SOX5: variants seen among roughly 807,000 people sequenced by gnomAD.
The protein encoded by SOX5 is SRY-box transcription factor 5, also known as transcription factor SOX-5.
A neutral mutation model predicts 92.0 loss-of-function variants in SOX5; 9 were observed. That is an observed-to-expected ratio of 0.10 (90% CI 0.06 to 0.17). The LOEUF is 0.17. SOX5 is among the 10% of genes least tolerant of loss of function. The probability of loss-of-function intolerance (pLI) is 1.00; values close to 1 mark genes in which losing one functional copy is unlikely to be tolerated. For missense variants in SOX5, 642 were observed against 944.5 expected (o/e 0.68, Z 4.20); for synonymous variants, 344 against 336.3 (o/e 1.02, Z -0.25).
intron 1 of SOX5, among the ~76,000 whole-genome samples, chr12:23,943,348 T>C (rs1393754762): frequency 2.6e-5 from 4 of 152,004 alleles, no homozygotes; most frequent in East Asian, 1.9e-4. Flanking sequence ...ACACTCCACA[T>C]TTCATTTAAG....
intron 1 of SOX5, among the ~76,000 whole-genome samples, chr12:24,452,004 T>A (rs1464239689): frequency 6.6e-6 from 1 of 152,212 alleles, no homozygotes; most frequent in Non-Finnish European, 1.5e-5. Context: ...GCACACTGAA[T>A]GTTTTGGGCA....
chr12:24,299,890 C>T (rs1947755499), intron 2 of SOX5, among the ~76,000 whole-genome samples: 1 of 152,128 alleles, frequency 6.6e-6, no homozygotes, highest in Admixed American at 6.5e-5. Flanking sequence ...ACCATGCTCT[C>T]TGTGTGATAT....
At chr12:23,745,464 T>C (rs143324693) in intron 4 of SOX5, among the ~76,000 whole-genome samples, 10 of 152,254 alleles carry the variant, frequency 6.6e-5, no homozygotes, top group East Asian at 1.9e-4. Flanking sequence ...TTGCTCCCCA[T>C]TGGCTTCAGA....
rs60575337 is a variant in SOX5 at position 23,726,118 on chromosome 12, C to CGA, written c.810+8564_810+8565dup. Among the ~76,000 whole-genome samples the CGA allele has an allele frequency of 2.9e-3, 359 of 123,576 alleles. 7 individuals carry two copies. Among genetic ancestry groups the CGA allele is most frequent in the East Asian group, 1.0e-2 (44 of 4,406 alleles). 81.1% of individuals were successfully genotyped at this position (123,576 alleles called of 152,430 possible). A position where few individuals can be genotyped will look rare whatever the true frequency, so the allele number is the denominator to read the frequency against. On this transcript the variant is annotated intron_variant, in intron 6 of 14. Transcript: ENST00000451604. ...TAATGGTGTTAAATACATACATCCC[C>CGA]GAGAGAGAGAGAGAGAGAGAGAGAG...
At chr12:24,085,091 T>C (rs202040713) in intron 4 of SOX5, among the ~76,000 whole-genome samples, 3 of 95,108 alleles carry the variant, frequency 3.2e-5, no homozygotes, top group Non-Finnish European at 6.6e-5. Context: ...GTTCTTAGCA[T>C]GGCTGACGTA....
chr12:24,561,997 T>C (rs1159827708), intron 1 of SOX5, among the ~76,000 whole-genome samples: 1 of 152,186 alleles, frequency 6.6e-6, no homozygotes, highest in South Asian at 2.1e-4. Flanking sequence ...GTACGCAGGC[T>C]TCCCAACAAA....
chr12:23,867,679 G>A (rs1188776225), intron 2 of SOX5, among the ~76,000 whole-genome samples: 1 of 151,994 alleles, frequency 6.6e-6, no homozygotes, highest in Non-Finnish European at 1.5e-5. Context: ...ACACTGAAAT[G>A]AATTAAGTGG....
intron 1 of SOX5, among the ~76,000 whole-genome samples, chr12:24,379,133 C>T (rs1454914891): frequency 6.6e-6 from 1 of 152,200 alleles, no homozygotes; most frequent in Non-Finnish European, 1.5e-5. Flanking sequence ...CCCTCTCTTA[C>T]TAGGAGACAG....
intron 4 of SOX5, among the ~76,000 whole-genome samples, chr12:24,016,255 T>C (rs1005999646): frequency 1.3e-5 from 2 of 151,856 alleles, no homozygotes; most frequent in Non-Finnish European, 2.9e-5. Flanking sequence ...TAAAACAGAA[T>C]CCAATGCCAT....
chr12:24,119,959 G>A (rs1489603697), intron 4 of SOX5, among the ~76,000 whole-genome samples: 1 of 152,154 alleles, frequency 6.6e-6, no homozygotes, highest in Non-Finnish European at 1.5e-5. Context: ...TGCACTCATT[G>A]CGATGGTTGT....
chr12:24,364,541 T>C (rs558547851), intron 2 of SOX5, among the ~76,000 whole-genome samples: 16 of 140,398 alleles, frequency 1.1e-4, no homozygotes, highest in South Asian at 2.3e-4. Flanking sequence ...TATATATATA[T>C]ATACACGAAT....
chr12:24,373,732 G>T (rs1488957222), intron 1 of SOX5, among the ~76,000 whole-genome samples: 2 of 152,072 alleles, frequency 1.3e-5, no homozygotes, highest in East Asian at 3.9e-4. Context: ...CATGACTAAA[G>T]GAATATTGAA....
intron 1 of SOX5, among the ~76,000 whole-genome samples, chr12:23,938,432 T>C (rs533403639): frequency 1.3e-5 from 2 of 151,174 alleles, no homozygotes; most frequent in Admixed American, 6.6e-5. Context: ...TAATGTTTTC[T>C]AGTTTTCAAA....
At chr12:24,398,984 T>G (rs1960796343) in intron 1 of SOX5, among the ~76,000 whole-genome samples, 4 of 152,042 alleles carry the variant, frequency 2.6e-5, no homozygotes, top group Admixed American at 2.0e-4. Context: ...ATGGAAGTGT[T>G]TACAAACAAC....
At chr12:23,718,644 A>G (rs964719592) in intron 6 of SOX5, among the ~76,000 whole-genome samples, 2 of 152,046 alleles carry the variant, frequency 1.3e-5, no homozygotes, top group African/African-American at 4.8e-5. Flanking sequence ...TTCACTGTTT[A>G]TTATCCTGCA....
At chr12:24,455,741 T>C (rs186299121) in intron 1 of SOX5, among the ~76,000 whole-genome samples, 10 of 152,308 alleles carry the variant, frequency 6.6e-5, no homozygotes, top group Admixed American at 2.0e-4. Context: ...ACTCACTCAG[T>C]AGAGGCTTGT....
intron 2 of SOX5, among the ~76,000 whole-genome samples, chr12:24,303,808 G>A (rs998734582): frequency 1.3e-5 from 2 of 152,184 alleles, no homozygotes; most frequent in African/African-American, 4.8e-5. Flanking sequence ...GCCAGGAGGT[G>A]AGGATCAAAG....
intron 4 of SOX5, among the ~76,000 whole-genome samples, chr12:24,148,772 C>T (rs2138792318): frequency 6.6e-6 from 1 of 151,052 alleles, no homozygotes; most frequent in South Asian, 2.1e-4. Flanking sequence ...TACATATAGT[C>T]CCAGCTACTT....
At chr12:23,729,528 G>C (rs1445740014) in intron 6 of SOX5, among the ~76,000 whole-genome samples, 1 of 152,108 alleles carries the variant, frequency 6.6e-6, no homozygotes, top group African/African-American at 2.4e-5. Context: ...CTTAGGTCCT[G>C]ACAGAATCAG....
Sources: allele counts gnomAD v4.1 joint callset (sites outside exome capture counted in the v4.1 genomes callset), GRCh38; gene constraint gnomAD v4.1.1; transcripts MANE v1.5; gene names NCBI Gene and HGNC (gene_info 2026-07-23, HGNC 2026-07-21).